The following LMX1A variants were observed in gnomAD, a reference collection of about 807,000 sequenced individuals.
LMX1A encodes LIM homeobox transcription factor 1 alpha.
A neutral mutation model predicts 49.1 loss-of-function variants in LMX1A; 15 were observed. That is an observed-to-expected ratio of 0.31 (90% CI 0.20 to 0.47). The LOEUF is 0.47. Among genes scored for constraint, LMX1A ranks in the 20% least tolerant of loss-of-function variants. The pLI is 1.00. For missense variants in LMX1A, 372 were observed against 475.8 expected (o/e 0.78, Z 2.03); for synonymous variants, 167 against 185.7 (o/e 0.90, Z 0.82).
intron 4 of LMX1A, among the ~76,000 whole-genome samples, chr1:165,248,126 C>T (rs1644639645): frequency 6.6e-6 from 1 of 152,184 alleles, no homozygotes; most frequent in South Asian, 2.1e-4. Flanking sequence ...TAAGGGTAAA[C>T]TCACCCAGCA....
At chr1:165,341,703 G>A (rs1312295045) in intron 3 of LMX1A, among the ~76,000 whole-genome samples, 1 of 151,818 alleles carries the variant, frequency 6.6e-6, no homozygotes. Flanking sequence ...TATCCCTGTG[G>A]CCATGCCTTT....
intron 3 of LMX1A, among the ~76,000 whole-genome samples, chr1:165,289,888 T>C (rs1283081928): frequency 1.3e-5 from 2 of 152,238 alleles, no homozygotes; most frequent in African/African-American, 2.4e-5. Context: ...CCAGCTTCTA[T>C]GACATAGCTC....
chr1:165,249,710 A>G, intron 3 of LMX1A, 70 bp from the exon 4 acceptor site: 1 of 1,119,768 alleles, frequency 8.9e-7, no homozygotes, highest in Non-Finnish European at 1.3e-6. Flanking sequence ...TCTCCCCTGA[A>G]GTCAACAGCA....
chr1:165,321,061 T>TA (rs898756838), intron 3 of LMX1A, among the ~76,000 whole-genome samples: 2 of 152,090 alleles, frequency 1.3e-5, no homozygotes, highest in African/African-American at 2.4e-5. Context: ...TACTCATCCA[T>TA]AAAAAAGAAT....
chr1:165,313,140 C>T (rs1655122428), intron 3 of LMX1A, among the ~76,000 whole-genome samples: 1 of 152,086 alleles, frequency 6.6e-6, no homozygotes, highest in Non-Finnish European at 1.5e-5. Flanking sequence ...TAAGTTCATC[C>T]CAGCAGGATC....
At chr1:165,212,562 C>T (rs1015274252) in intron 5 of LMX1A, among the ~76,000 whole-genome samples, 3 of 151,810 alleles carry the variant, frequency 2.0e-5, no homozygotes, top group African/African-American at 7.3e-5. Context: ...AAAAAGGATG[C>T]AGGAAAAATA....
intron 3 of LMX1A, among the ~76,000 whole-genome samples, chr1:165,284,054 T>C (rs780010808): frequency 6.6e-6 from 1 of 152,200 alleles, no homozygotes; most frequent in Non-Finnish European, 1.5e-5. Flanking sequence ...GAATCAGGTA[T>C]TTAAGAAACA....
rs1406202147 is a variant in LMX1A, at chr1:165,349,983, ATATT to A, written c.263+3089_263+3092del. ...ACACTGAAAACTGTGCATTCCCTAT[ATATT>A]CTTTCATTTAAATGTGTAGAAATAG... On this transcript the variant is annotated intron_variant, in intron 3 of 8. Coordinates refer to ENST00000342310, the MANE Select transcript of LMX1A (RefSeq NM_177398.4). 2.6e-5 allele frequency among the ~76,000 whole-genome samples: 4 copies of A among 152,274 alleles called. No homozygotes were observed. In the South Asian group the frequency reaches 8.3e-4, roughly 32 times the overall value.
chr1:165,254,892 T>C (rs1403523620), intron 3 of LMX1A, among the ~76,000 whole-genome samples: 2 of 152,212 alleles, frequency 1.3e-5, no homozygotes, highest in East Asian at 3.8e-4. Flanking sequence ...TAAATTCTCC[T>C]ACCCCTGAAA....
chr1:165,250,482 G>A (rs766013821), intron 3 of LMX1A, among the ~76,000 whole-genome samples: 1 of 151,990 alleles, frequency 6.6e-6, no homozygotes, highest in African/African-American at 2.4e-5. Context: ...AAGCTCTTGA[G>A]GTGTGTAAGA....
intron 3 of LMX1A, among the ~76,000 whole-genome samples, chr1:165,300,127 T>C (rs1654736842): frequency 6.6e-6 from 1 of 152,050 alleles, no homozygotes; most frequent in Admixed American, 6.5e-5. Context: ...CCCCAACGAG[T>C]GGTCCCAGGT....
intron 3 of LMX1A, among the ~76,000 whole-genome samples, chr1:165,321,896 C>A (rs1411927525): frequency 2.6e-5 from 4 of 152,052 alleles, no homozygotes; most frequent in Non-Finnish European, 4.4e-5. Flanking sequence ...ATAAAGAGTG[C>A]AACCTGCAGA....
At chr1:165,214,202 G>A (rs1191579070) in intron 4 of LMX1A, among the ~76,000 whole-genome samples, 2 of 152,186 alleles carry the variant, frequency 1.3e-5, no homozygotes, top group East Asian at 3.8e-4. Context: ...CTGATCTTGT[G>A]ATAGTGAGTG....
chr1:165,316,283 G>A (rs1299179031), intron 3 of LMX1A, among the ~76,000 whole-genome samples: 1 of 152,232 alleles, frequency 6.6e-6, no homozygotes, highest in Non-Finnish European at 1.5e-5. Flanking sequence ...CCAGCCCCAT[G>A]AACACATGCT....
chr1:165,310,945 A>G (rs1195540478), intron 3 of LMX1A, among the ~76,000 whole-genome samples: 1 of 152,234 alleles, frequency 6.6e-6, no homozygotes. Context: ...TTTATATGCA[A>G]AAGTTACCAT....
At chr1:165,260,587 C>T (rs1653403879) in intron 3 of LMX1A, among the ~76,000 whole-genome samples, 1 of 152,150 alleles carries the variant, frequency 6.6e-6, no homozygotes, top group East Asian at 1.9e-4. Flanking sequence ...CTGTTTCCAG[C>T]AGCACTATAT....
At chr1:165,289,701 T>C (rs1053410429) in intron 3 of LMX1A, among the ~76,000 whole-genome samples, 3 of 152,230 alleles carry the variant, frequency 2.0e-5, no homozygotes, top group East Asian at 1.9e-4. Flanking sequence ...GGTTGGAGGA[T>C]TGGCTGCTCC....
intron 3 of LMX1A, among the ~76,000 whole-genome samples, chr1:165,277,733 CA>C (rs1654011749): frequency 6.6e-6 from 1 of 152,148 alleles, no homozygotes; most frequent in Admixed American, 6.5e-5. Flanking sequence ...CAGCTCCACA[CA>C]GCACCTAAAA....
At chr1:165,208,393 T>G (rs1651190662) in intron 6 of LMX1A, among the ~76,000 whole-genome samples, 1 of 152,182 alleles carries the variant, frequency 6.6e-6, no homozygotes, top group Non-Finnish European at 1.5e-5. Context: ...AGGGATTTTT[T>G]CCTCAGTAAA....
Sources: gnomAD v4.1 joint callset for allele counts (sites outside exome capture counted in the v4.1 genomes callset) on GRCh38, gnomAD v4.1.1 for gene constraint, MANE v1.5 for transcripts, NCBI Gene and HGNC (gene_info 2026-07-23, HGNC 2026-07-21) for gene names.